DNAJB6: variants seen among roughly 807,000 people sequenced by gnomAD.
The protein encoded by DNAJB6 is DnaJ heat shock protein family (Hsp40) member B6.
DNAJB6 carries 16 observed loss-of-function variants against 42.7 expected under a neutral mutation model. The observed-to-expected ratio is 0.37, with a 90% CI of 0.25 to 0.57. The LOEUF is 0.57. Ranked by LOEUF, DNAJB6 falls within the 20% of genes least tolerant of loss-of-function variation. DNAJB6 has a pLI of 0.74. For synonymous variants in DNAJB6, 170 were observed against 163.5 expected, an observed-to-expected ratio of 1.04 and a Z score of -0.30; for missense variants, 347 against 416.8, an observed-to-expected ratio of 0.83 and a Z score of 1.46.
chr7:157,385,716 T>A, intron 8 of DNAJB6, 105 bp downstream of exon 8: 2 of 1,560,950 alleles, frequency 1.3e-6, no homozygotes, highest in South Asian at 2.4e-5. Context: ...AGGAACATTT[T>A]TTTGAAGATT....
intron 1 of DNAJB6, among the ~76,000 whole-genome samples, chr7:157,345,995 G>A (rs1798664340): frequency 6.6e-6 from 1 of 151,778 alleles, no homozygotes; most frequent in Non-Finnish European, 1.5e-5. Flanking sequence ...TCGCTGGGCA[G>A]GGAAGGCAGC....
chr7:157,396,890 T>C (rs571430517), intron 8 of DNAJB6, among the ~76,000 whole-genome samples: 31 of 152,094 alleles, frequency 2.0e-4, no homozygotes, highest in Non-Finnish European at 4.0e-4. Flanking sequence ...CCTCCTTTTC[T>C]ACATGGGAAG....
In DNAJB6 at chr7:157,416,587, T is replaced by C. The variant is rs187704048; in HGVS notation, c.*489T>C. ...TTGAATCCTGCCCGTCAGGGCACCTTTTCCTCAGAGCAATCCGGCCACACG... is the reference window on the plus strand; with the variant it reads ...TTGAATCCTGCCCGTCAGGGCACCTCTTCCTCAGAGCAATCCGGCCACACG... On this transcript the variant is annotated 3_prime_UTR_variant, in exon 10 of 10. Coordinates refer to ENST00000262177, the MANE Select transcript of DNAJB6 (RefSeq NM_058246.4). The C allele has an allele frequency of 3.0e-3, 458 of 155,228 alleles. 2 individuals carry two copies. The highest frequency in any genetic ancestry group is 5.5e-3 in the Non-Finnish European group (386 of 69,874). The allele number at this position is 155,228 out of a possible 1,614,324, so 9.6% of individuals were successfully genotyped here.
chr7:157,341,104 G>C (rs139423685), intron 1 of DNAJB6, among the ~76,000 whole-genome samples: 126 of 152,166 alleles, frequency 8.3e-4, no homozygotes, highest in African/African-American at 2.9e-3. Context: ...TTACAAGTGT[G>C]AGCCAGGTGC....
intron 8 of DNAJB6, among the ~76,000 whole-genome samples, chr7:157,390,779 G>A (rs764198791): frequency 2.0e-5 from 3 of 152,150 alleles, no homozygotes; most frequent in Non-Finnish European, 4.4e-5. Context: ...TGGCGTGTGG[G>A]GGAGATGTGG....
At chr7:157,357,599 C>T (rs181649045) in intron 1 of DNAJB6, among the ~76,000 whole-genome samples, 126 of 152,072 alleles carry the variant, frequency 8.3e-4, no homozygotes, top group African/African-American at 2.9e-3. Context: ...GTGTGAGCCA[C>T]GCGCCCGGCT....
intron 8 of DNAJB6, among the ~76,000 whole-genome samples, chr7:157,390,384 T>G (rs536649883): frequency 6.6e-6 from 1 of 152,238 alleles, no homozygotes. Context: ...CGTCCTTTTC[T>G]GCCCTGTTAG....
At chr7:157,337,705 C>G (rs574260737) in intron 1 of DNAJB6, 1 of 152,282 alleles carries the variant, frequency 6.6e-6, no homozygotes, top group Non-Finnish European at 1.5e-5. Context: ...GGCTGCCTTT[C>G]TCACTCAGAA....
At position 157,351,883 on chromosome 7, in the gene DNAJB6, G is replaced by T. The variant is rs185104336; in HGVS notation, c.-26-6664G>T. Among the ~76,000 whole-genome samples, 1,220 of 151,758 alleles carry T rather than the reference G, an allele frequency of 8.0e-3. 21 individuals carry two copies. The highest frequency in any genetic ancestry group is 0.028 in the African/African-American group (1,147 of 41,414). On this transcript the variant is annotated intron_variant, in intron 1 of 9. Coordinates refer to ENST00000262177, the MANE Select transcript of DNAJB6 (RefSeq NM_058246.4). ...TGGCACATGCCTGTAGTCCCAGCTA[G>T]CTGGGAGGCTGAGGCAGGAGAATTG...
Position 157,363,240 on chromosome 7 carries a change from G to T in DNAJB6, c.145G>T (p.Val49Leu), listed in dbSNP as rs779839138. The change falls in exon 3 of 10, where the codon GTA becomes TTA. Residue 49 changes from valine (V) to leucine (L), a missense_variant. Transcript: ENST00000262177. ...AGAAGCAGAGAGAAAATTCAAGCAA[G>T]TAGCGGAGGCATATGAAGTGCTGTC... ...KEEAERKFKQ[V>L]AEAYEVLSDA... 10 of 1,611,074 alleles carry T rather than the reference G, an allele frequency of 6.2e-6. No individual in the cohort carries two copies. The East Asian group carries it at 2.2e-4, about 36-fold the overall frequency.
intron 8 of DNAJB6, among the ~76,000 whole-genome samples, chr7:157,392,117 AG>A (rs1801374970): frequency 1.3e-5 from 2 of 149,754 alleles, no homozygotes; most frequent in African/African-American, 2.5e-5. Context: ...AAAAAAAAAA[AG>A]GATAGTCATA....
At chr7:157,391,213 A>G (rs1206667416) in intron 8 of DNAJB6, among the ~76,000 whole-genome samples, 1 of 152,202 alleles carries the variant, frequency 6.6e-6, no homozygotes, top group Non-Finnish European at 1.5e-5. Flanking sequence ...TGTGGTCATC[A>G]GGGAACTGTG....
At chr7:157,342,624 C>T (rs188767544) in intron 1 of DNAJB6, among the ~76,000 whole-genome samples, 3 of 152,128 alleles carry the variant, frequency 2.0e-5, no homozygotes, top group East Asian at 1.9e-4. Context: ...GCTGGCCTAA[C>T]TTCTATATTT....
chr7:157,365,468 ATCTGCTT>A (rs1332519402), intron 3 of DNAJB6, among the ~76,000 whole-genome samples: 1 of 152,180 alleles, frequency 6.6e-6, no homozygotes, highest in Non-Finnish European at 1.5e-5. Context: ...TTTCTGGCAC[ATCTGCTT>A]TCTCCCACTT....
chr7:157,347,490 C>T (rs1399166448), intron 1 of DNAJB6, among the ~76,000 whole-genome samples: 53 of 152,150 alleles, frequency 3.5e-4, no homozygotes, highest in Admixed American at 3.4e-3. Flanking sequence ...TTTAGGTGCA[C>T]GTGACTGTGC....
chr7:157,378,869 C>G (rs894323900), intron 5 of DNAJB6: 17 of 152,140 alleles, frequency 1.1e-4, no homozygotes, highest in African/African-American at 4.1e-4. Flanking sequence ...CAAGTGGCAA[C>G]TTTTAACTGG....
chr7:157,407,629 T>C (rs1795820600), intron 8 of DNAJB6, among the ~76,000 whole-genome samples: 1 of 152,046 alleles, frequency 6.6e-6, no homozygotes, highest in African/African-American at 2.4e-5. Context: ...GTGCTGAGTC[T>C]CTCCTTGGTG....
chr7:157,338,695 TTTC>T (rs1367961676), intron 1 of DNAJB6, among the ~76,000 whole-genome samples: 1 of 152,236 alleles, frequency 6.6e-6, no homozygotes, highest in Non-Finnish European at 1.5e-5. Flanking sequence ...TGCTTTCACA[TTTC>T]TTTCTGCCTT....
rs2116974323 is a variant in DNAJB6, at chr7:157,363,268, A to G, written c.173A>G (p.Asp58Gly). 6.2e-7 allele frequency: 1 copy of G among 1,603,686 alleles called. No individual in the cohort carries two copies. Among genetic ancestry groups the G allele is most frequent in the Non-Finnish European group, 8.5e-7 (1 of 1,172,944 alleles). Residue 58 changes from aspartate (D) to glycine (G), a missense_variant and splice_region_variant, in exon 3 of 10, where the codon GAT becomes GGT. This residue lies in a region of DNAJB6 where 78 missense variants were observed against 102.1 expected (regional missense o/e 0.76). Transcript: ENST00000262177. Reference protein sequence around the residue: ...QVAEAYEVLSDAKKRDIYDKY... With the variant: ...QVAEAYEVLSGAKKRDIYDKY... ...GCGGAGGCATATGAAGTGCTGTCGGATGGTGAGTGACAGCGAGCTGCTGAA... is the reference window on the plus strand; with the variant it reads ...GCGGAGGCATATGAAGTGCTGTCGGGTGGTGAGTGACAGCGAGCTGCTGAA...
Sources: gnomAD v4.1 joint callset for allele counts (sites outside exome capture counted in the v4.1 genomes callset) on GRCh38, gnomAD v4.1.1 for gene constraint, gnomAD v4.1.1 regional missense constraint, MANE v1.5 for transcripts, NCBI Gene and HGNC (gene_info 2026-07-23, HGNC 2026-07-21) for gene names.